The following SCAPER variants were observed in gnomAD, a reference collection of about 807,000 sequenced individuals.
SCAPER encodes the protein S phase cyclin A-associated protein in the endoplasmic reticulum.
In SCAPER, 98 loss-of-function variants were observed where a neutral mutation model predicts 182.2. That is an observed-to-expected ratio of 0.54 (90% CI 0.46 to 0.64). SCAPER has a LOEUF of 0.64. SCAPER is among the 30% of genes least tolerant of loss of function. SCAPER has a pLI of 0.00. For missense variants in SCAPER, 1,432 were observed against 1,690.0 expected (o/e 0.85, Z 2.68); for synonymous variants, 605 against 564.6 (o/e 1.07, Z -1.01).
At chr15:76,866,261 G>A (rs1382121941) in intron 2 of SCAPER, among the ~76,000 whole-genome samples, 5 of 151,736 alleles carry the variant, frequency 3.3e-5, no homozygotes, top group East Asian at 3.9e-4. Flanking sequence ...GTGTGTGTGC[G>A]TGTGTGTGTG....
chr15:76,382,968 G>C (rs1429530579), intron 27 of SCAPER, among the ~76,000 whole-genome samples: 1 of 120,642 alleles, frequency 8.3e-6, no homozygotes, highest in Non-Finnish European at 1.9e-5. Flanking sequence ...CTTTAATTTG[G>C]CATGATCTAC....
At chr15:76,392,811 T>C (rs1322476985) in intron 27 of SCAPER, among the ~76,000 whole-genome samples, 1 of 152,124 alleles carries the variant, frequency 6.6e-6, no homozygotes. Flanking sequence ...TTACACACAG[T>C]TTTCCTCTTG....
At chr15:76,396,653 G>A (rs1228726078) in intron 27 of SCAPER, among the ~76,000 whole-genome samples, 1 of 152,058 alleles carries the variant, frequency 6.6e-6, no homozygotes, top group African/African-American at 2.4e-5. Context: ...CTGATTTCTG[G>A]ACATTGATTT....
At chr15:76,492,801 A>G (rs2052449572) in intron 24 of SCAPER, among the ~76,000 whole-genome samples, 1 of 151,900 alleles carries the variant, frequency 6.6e-6, no homozygotes. Flanking sequence ...ATCTCTTTAG[A>G]GAGATTATTC....
intron 21 of SCAPER, among the ~76,000 whole-genome samples, chr15:76,635,694 G>A (rs2053535036): frequency 6.6e-6 from 1 of 151,274 alleles, no homozygotes; most frequent in Non-Finnish European, 1.5e-5. Context: ...TCAGCTGTGA[G>A]ATTTTCCTAA....
chr15:76,456,750 C>A (rs1387887925), intron 25 of SCAPER, among the ~76,000 whole-genome samples: 1 of 152,048 alleles, frequency 6.6e-6, no homozygotes, highest in African/African-American at 2.4e-5. Flanking sequence ...TTTCTTTCTC[C>A]CTTATATTCT....
intron 25 of SCAPER, among the ~76,000 whole-genome samples, chr15:76,435,651 A>G (rs753400741): frequency 6.6e-6 from 1 of 152,148 alleles, no homozygotes; most frequent in Non-Finnish European, 1.5e-5. Flanking sequence ...TACTCCACCA[A>G]CTTCCTAAGA....
intron 5 of SCAPER, among the ~76,000 whole-genome samples, chr15:76,839,319 T>A (rs1320001310): frequency 2.6e-5 from 4 of 152,180 alleles, no homozygotes; most frequent in Non-Finnish European, 4.4e-5. Context: ...AATCTTTCAG[T>A]GCATTAACAA....
At chr15:76,677,978 T>G (rs2057464381) in intron 20 of SCAPER, among the ~76,000 whole-genome samples, 1 of 152,054 alleles carries the variant, frequency 6.6e-6, no homozygotes, top group South Asian at 2.1e-4. Context: ...TAAGCTGCCA[T>G]TTTTAGAGTT....
intron 17 of SCAPER, among the ~76,000 whole-genome samples, chr15:76,711,265 C>G (rs1402906656): frequency 6.6e-6 from 1 of 152,050 alleles, no homozygotes; most frequent in Non-Finnish European, 1.5e-5. Context: ...AAAGATAAGC[C>G]ATAGATTGTA....
chr15:76,775,735 T>C (rs933656372), intron 8 of SCAPER, among the ~76,000 whole-genome samples: 1 of 152,154 alleles, frequency 6.6e-6, no homozygotes, highest in Non-Finnish European at 1.5e-5. Context: ...AGGATATTAA[T>C]TGATAGCACC....
chr15:76,399,182 GGC>G (rs1202160216), intron 27 of SCAPER, among the ~76,000 whole-genome samples: 8 of 152,174 alleles, frequency 5.3e-5, no homozygotes, highest in African/African-American at 1.9e-4. Context: ...CTGTTACCCA[GGC>G]TGGAGTGCAG....
At chr15:76,408,019 C>A (rs959673151) in intron 26 of SCAPER, among the ~76,000 whole-genome samples, 1 of 152,148 alleles carries the variant, frequency 6.6e-6, no homozygotes, top group Non-Finnish European at 1.5e-5. Flanking sequence ...CTAAAAATCA[C>A]CATTTCTTAA....
intron 23 of SCAPER, among the ~76,000 whole-genome samples, chr15:76,568,414 G>A (rs2145269497): frequency 6.6e-6 from 1 of 152,034 alleles, no homozygotes; most frequent in Non-Finnish European, 1.5e-5. Context: ...GGAGTGCAGT[G>A]GCGCGATCTT....
At chr15:76,634,541 C>T (rs1300122887) in intron 21 of SCAPER, among the ~76,000 whole-genome samples, 1 of 152,148 alleles carries the variant, frequency 6.6e-6, no homozygotes, top group Non-Finnish European at 1.5e-5. Context: ...GGGAGTATCA[C>T]CATCTCAAAA....
chr15:76,637,826 A>C (rs1204504100), intron 21 of SCAPER, among the ~76,000 whole-genome samples: 11 of 141,446 alleles, frequency 7.8e-5, no homozygotes, highest in Non-Finnish European at 1.5e-4. Flanking sequence ...CACCCATCCT[A>C]GTTGTTGTAA....
chr15:76,893,407 A>G (rs2074264818), intron 1 of SCAPER, among the ~76,000 whole-genome samples: 1 of 152,186 alleles, frequency 6.6e-6, no homozygotes, highest in Non-Finnish European at 1.5e-5. Flanking sequence ...CGCACCCAAC[A>G]TTGGAGCACC....
chr15:76,391,300 T>C (rs1263873017), intron 27 of SCAPER, among the ~76,000 whole-genome samples: 2 of 152,244 alleles, frequency 1.3e-5, no homozygotes, highest in Non-Finnish European at 2.9e-5. Context: ...CATTCGGCTA[T>C]ATTACCAGGC....
intron 8 of SCAPER, among the ~76,000 whole-genome samples, chr15:76,784,655 C>G (rs1337341596): frequency 1.3e-5 from 2 of 152,168 alleles, no homozygotes; most frequent in Non-Finnish European, 2.9e-5. Flanking sequence ...GCTACAGTAA[C>G]CAAAACAGCA....
Sources: gnomAD v4.1 joint callset for allele counts (sites outside exome capture counted in the v4.1 genomes callset) on GRCh38, gnomAD v4.1.1 for gene constraint, MANE v1.5 for transcripts, NCBI Gene and HGNC (gene_info 2026-07-23, HGNC 2026-07-21) for gene names.